The following SPAG16 variants were observed in gnomAD, a reference collection of about 807,000 sequenced individuals.
SPAG16 encodes sperm-associated antigen 16 protein.
Under a neutral mutation model 80.4 loss-of-function variants are expected in SPAG16, and 86 were observed. The observed-to-expected ratio is 1.07, with a 90% CI of 0.90 to 1.28. SPAG16 has a LOEUF of 1.28. Ranked by LOEUF, SPAG16 falls within the 50% of genes most tolerant of loss-of-function variation. The probability of loss-of-function intolerance (pLI) is 0.00; values close to 1 mark genes in which losing one functional copy is unlikely to be tolerated. For synonymous variants in SPAG16, 294 were observed against 265.9 expected (o/e 1.11, Z -1.03); for missense variants, 870 against 765.3 (o/e 1.14, Z -1.61).
At chr2:213,604,403 T>C (rs927419115) in intron 10 of SPAG16, among the ~76,000 whole-genome samples, 19 of 152,314 alleles carry the variant, frequency 1.2e-4, no homozygotes, top group African/African-American at 4.3e-4. Context: ...AGAAACCATA[T>C]ACATGTATAT....
intron 15 of SPAG16, among the ~76,000 whole-genome samples, chr2:214,296,063 T>C (rs1405430749): frequency 1.3e-5 from 2 of 152,166 alleles, no homozygotes; most frequent in Non-Finnish European, 2.9e-5. Context: ...TACTCCCCCT[T>C]TTCAGAATCC....
At chr2:214,260,590 T>C (rs1691071914) in intron 15 of SPAG16, among the ~76,000 whole-genome samples, 3 of 152,190 alleles carry the variant, frequency 2.0e-5, no homozygotes, top group Admixed American at 2.0e-4. Context: ...TTTCTTTTCA[T>C]CTTAAGGACT....
intron 10 of SPAG16, among the ~76,000 whole-genome samples, chr2:213,496,969 G>T (rs1225829743): frequency 6.6e-6 from 1 of 151,550 alleles, no homozygotes; most frequent in Non-Finnish European, 1.5e-5. Context: ...TTTAAATTTT[G>T]CATTTCTAAG....
intron 12 of SPAG16, among the ~76,000 whole-genome samples, chr2:214,012,153 T>G (rs1341554143): frequency 1.3e-5 from 2 of 150,354 alleles, no homozygotes; most frequent in African/African-American, 4.9e-5. Context: ...ACTATATTAT[T>G]GTACATGGCT....
rs77002435 is a variant in SPAG16, at chr2:214,086,131, A to G, written c.1528-22065A>G. Among the ~76,000 whole-genome samples, 22 of 152,288 alleles carry G rather than the reference A, an allele frequency of 1.4e-4. No homozygotes were observed. The East Asian group carries it at 4.3e-3, about 29-fold the overall frequency. On this transcript the variant is annotated intron_variant, in intron 13 of 15. Transcript: ENST00000331683. ...ATCTGATGCAGCCATCACACCACTT[A>G]TTCTCATACAGCGTAAACTTCTGAC...
chr2:214,031,702 T>C (rs2048423660), intron 13 of SPAG16, among the ~76,000 whole-genome samples: 1 of 151,308 alleles, frequency 6.6e-6, no homozygotes. Flanking sequence ...TTTAATTGAC[T>C]CACAGTTTTA....
At chr2:213,477,639 G>A (rs2073487690) in intron 9 of SPAG16, among the ~76,000 whole-genome samples, 1 of 152,162 alleles carries the variant, frequency 6.6e-6, no homozygotes, top group South Asian at 2.1e-4. Context: ...CATTTGGAAT[G>A]GGAGCATTTA....
chr2:213,844,908 A>C (rs2074538230), intron 10 of SPAG16, among the ~76,000 whole-genome samples: 1 of 152,204 alleles, frequency 6.6e-6, no homozygotes, highest in Non-Finnish European at 1.5e-5. Context: ...AATACAAATA[A>C]ATTGGAAACT....
At chr2:214,002,929 G>C (rs1217995914) in intron 12 of SPAG16, among the ~76,000 whole-genome samples, 5 of 152,082 alleles carry the variant, frequency 3.3e-5, no homozygotes, top group African/African-American at 1.2e-4. Flanking sequence ...TACTTATCCT[G>C]GTCAAGTTGA....
At chr2:214,300,914 A>T (rs1025640029) in intron 15 of SPAG16, among the ~76,000 whole-genome samples, 1 of 151,620 alleles carries the variant, frequency 6.6e-6, no homozygotes, top group African/African-American at 2.4e-5. Flanking sequence ...TTTAAAAAAA[A>T]TTATTACTCT....
At chr2:213,641,087 A>G (rs1163243281) in intron 10 of SPAG16, among the ~76,000 whole-genome samples, 1 of 152,144 alleles carries the variant, frequency 6.6e-6, no homozygotes, top group Non-Finnish European at 1.5e-5. Flanking sequence ...GTCTGACCTC[A>G]GACTCTCCTT....
chr2:213,940,359 T>A (rs1201075509), intron 12 of SPAG16, among the ~76,000 whole-genome samples: 1 of 152,178 alleles, frequency 6.6e-6, no homozygotes, highest in African/African-American at 2.4e-5. Context: ...CAATCATAGC[T>A]CACTGTAGCC....
chr2:214,390,763 A>T (rs1164057634), intron 15 of SPAG16, among the ~76,000 whole-genome samples: 1 of 152,172 alleles, frequency 6.6e-6, no homozygotes, highest in Non-Finnish European at 1.5e-5. Context: ...GGGGAAAGTT[A>T]CTAGAAGCAT....
intron 7 of SPAG16, among the ~76,000 whole-genome samples, chr2:213,363,504 A>C (rs1265268530): frequency 1.3e-5 from 2 of 152,162 alleles, no homozygotes; most frequent in Non-Finnish European, 2.9e-5. Flanking sequence ...ATGCAAGATG[A>C]AATAGCTTTT....
chr2:213,884,748 T>C (rs1439001916), intron 11 of SPAG16, among the ~76,000 whole-genome samples: 3 of 152,246 alleles, frequency 2.0e-5, no homozygotes, highest in Non-Finnish European at 4.4e-5. Context: ...ATCTTTGAGC[T>C]CTGAGCTTCT....
At chr2:214,399,166 A>G (rs1485032960) in intron 15 of SPAG16, among the ~76,000 whole-genome samples, 1 of 152,140 alleles carries the variant, frequency 6.6e-6, no homozygotes, top group African/African-American at 2.4e-5. Flanking sequence ...ATATTTTTTA[A>G]TCATCCGATT....
At chr2:214,265,280 T>C (rs1170092676) in intron 15 of SPAG16, among the ~76,000 whole-genome samples, 1 of 152,112 alleles carries the variant, frequency 6.6e-6, no homozygotes, top group African/African-American at 2.4e-5. Flanking sequence ...ATATCCGCAT[T>C]ATGGATTTTG....
intron 10 of SPAG16, among the ~76,000 whole-genome samples, chr2:213,667,335 G>A (rs1362739851): frequency 6.6e-6 from 1 of 152,148 alleles, no homozygotes; most frequent in Non-Finnish European, 1.5e-5. Context: ...GCTACTCTGG[G>A]AGTCAGGAGT....
rs142531898 is a variant in SPAG16, at chr2:214,032,050, C to T, written c.1527+17973C>T. On this transcript the variant is annotated intron_variant, in intron 13 of 15. Transcript: ENST00000331683. ...AAGTTCCAGTTGCTCATAGTGTTCC[C>T]ATAGCATACCCTTTACTGGCTTTTG... is the stretch of plus-strand genomic sequence containing the variant. Among the ~76,000 whole-genome samples, 521 of 152,266 alleles carry T rather than the reference C, an allele frequency of 3.4e-3. 4 individuals are homozygous for T. The highest frequency in any genetic ancestry group is 0.014 in the Middle Eastern group (4 of 294).
Sources: gnomAD v4.1 joint callset for allele counts (sites outside exome capture counted in the v4.1 genomes callset) on GRCh38, gnomAD v4.1.1 for gene constraint, MANE v1.5 for transcripts, NCBI Gene and HGNC (gene_info 2026-07-23, HGNC 2026-07-21) for gene names.